Variants in HECTD4 observed in about 807,000 individuals in gnomAD.
HECTD4 encodes the protein HECT domain E3 ubiquitin protein ligase 4, also known as probable E3 ubiquitin-protein ligase HECTD4.
Under a neutral mutation model 471.5 loss-of-function variants are expected in HECTD4, and 114 were observed. That is an observed-to-expected ratio of 0.24 (90% confidence interval 0.21 to 0.28). The LOEUF is 0.28. Ranked by LOEUF, HECTD4 falls within the 10% of genes least tolerant of loss-of-function variation. The probability of loss-of-function intolerance (pLI) is 1.00; values close to 1 mark genes in which losing one functional copy is unlikely to be tolerated. For missense variants in HECTD4, 3,866 were observed against 5,651.5 expected (o/e 0.68, Z 10.13); for synonymous variants, 2,012 against 2,256.0 (o/e 0.89, Z 3.07).
intron 25 of HECTD4, among the ~76,000 whole-genome samples, chr12:112,249,011 A>C (rs1353313396): frequency 2.0e-5 from 3 of 152,236 alleles, no homozygotes; most frequent in African/African-American, 7.2e-5. Context: ...TCGGAGTCTT[A>C]CGTTGGCAAA....
Position 112,228,025 on chromosome 12 carries a change from G to A in HECTD4, c.6854+64C>T. On this transcript the variant is annotated intron_variant, in intron 43 of 75. Transcript: ENST00000682272. This position sits in a 1 kb window ranked among gnomAD's most constrained non-coding sequence, Gnocchi z 4.9. ...AGTTGGGAGTGGAGGGGCCCACCAAGGATCCCTTCTTCTGTCAGCTTGCAC... is the reference window on the plus strand; with the variant it reads ...AGTTGGGAGTGGAGGGGCCCACCAAAGATCCCTTCTTCTGTCAGCTTGCAC... 1 of 1,454,670 alleles carries A rather than the reference G, an allele frequency of 6.9e-7. No individual in the cohort carries two copies. Among genetic ancestry groups the A allele is most frequent in the Non-Finnish European group, 9.2e-7 (1 of 1,090,890 alleles). 90.1% of individuals were successfully genotyped at this position (1,454,670 alleles called of 1,614,324 possible). A position where few individuals can be genotyped will look rare whatever the true frequency, so the allele number is the denominator to read the frequency against.
chr12:112,333,286 T>C (rs761555081), intron 1 of HECTD4, among the ~76,000 whole-genome samples: 2 of 152,246 alleles, frequency 1.3e-5, no homozygotes, highest in Non-Finnish European at 2.9e-5. Context: ...ACTGTTTTCC[T>C]AGATGGCTGC....
rs1345357218 is a variant in HECTD4 at position 112,216,315 on chromosome 12, C to T, written c.7442G>A (p.Arg2481His). 6.4e-7 allele frequency: 1 copy of T among 1,554,884 alleles called. No individual in the cohort carries two copies. Among genetic ancestry groups the T allele is most frequent in the Non-Finnish European group, 8.7e-7 (1 of 1,148,522 alleles). ...GSSLLQWKSV[R>H]LDVTLSPGDV... ...ACCGGGGGAGAGAGTCACGTCTAAG[C>T]GAACGCTCTTCCACTGTAACAAACT... Residue 2481 changes from arginine (R) to histidine (H), a missense_variant, in exon 48 of 76, where the codon CGC becomes CAC. Around this residue, in one of 16 missense-constraint regions of HECTD4, gnomAD observed 617 missense variants for 915.1 expected, o/e 0.67. Coordinates refer to ENST00000682272, the MANE Select transcript of HECTD4 (RefSeq NM_001388303.1).
At chr12:112,231,167 A>G in intron 39 of HECTD4, 1 of 438,728 alleles carries the variant, frequency 2.3e-6, no homozygotes, top group Non-Finnish European at 4.1e-6. Context: ...TTCTGCTCCT[A>G]GAAAGAAGTT....
Position 112,176,665 on chromosome 12 carries a change from G to A in HECTD4, c.11401C>T (p.Pro3801Ser). Residue 3801 changes from proline (P) to serine (S), a missense_variant, in exon 65 of 76, where the codon CCA becomes TCA. Physicochemically the swap from Pro to Ser is moderately conservative, Grantham distance 74 (BLOSUM62 -1). Transcript: ENST00000682272. ...GGTTTGCTCTTTTCTGGTGATTTTGGCTTCACAGTTGGCTTCTTCTCACTT... is the reference window on the plus strand; with the variant it reads ...GGTTTGCTCTTTTCTGGTGATTTTGACTTCACAGTTGGCTTCTTCTCACTT... ...ALSEKKPTVK[P>S]KSPEKSKPDE... is the part of the protein sequence containing the mutation. The A allele has an allele frequency of 6.2e-7, 1 of 1,613,934 alleles. No individual in the cohort carries two copies. Among genetic ancestry groups the A allele is most frequent in the Non-Finnish European group, 8.5e-7 (1 of 1,179,874 alleles).
intron 1 of HECTD4, among the ~76,000 whole-genome samples, chr12:112,361,851 A>C (rs969072924): frequency 7.2e-5 from 11 of 152,176 alleles, no homozygotes; most frequent in African/African-American, 2.7e-4. Context: ...AACAACAAAA[A>C]ACTCTACAAT....
At chr12:112,261,479 C>A in intron 17 of HECTD4, 50 bp from the exon 18 acceptor site, 2 of 1,503,762 alleles carry the variant, frequency 1.3e-6, no homozygotes, top group South Asian at 1.2e-5. Context: ...GATGAACATA[C>A]GTTCACAATG....
Position 112,243,417 on chromosome 12 carries a change from C to T in HECTD4, c.4894G>A (p.Val1632Ile), listed in dbSNP as rs759425154. Residue 1632 changes from valine to isoleucine, a missense_variant, in exon 32 of 76, where the codon GTA (valine) becomes ATA (isoleucine). Val to Ile is a conservative substitution (Grantham distance 29). This residue lies in a region of HECTD4 where 229 missense variants were observed against 386.4 expected (regional missense o/e 0.59). Transcript: ENST00000682272. This position sits in a 1 kb window ranked among gnomAD's most constrained non-coding sequence, Gnocchi z 6.6. The part of the protein sequence containing the change: ...VHMRELLTAA[V>I]RVGGVTHLVG... ...AGATGCGTCACTCCCCCGACTCGTA[C>T]GGCAGCTGTCAGCAATTCCCGCATG... is the stretch of plus-strand genomic sequence containing the variant. The T allele has an allele frequency of 1.2e-5, 19 of 1,612,190 alleles. No homozygotes were observed. The highest frequency in any genetic ancestry group is 1.4e-5 in the Non-Finnish European group (17 of 1,179,204).
intron 29 of HECTD4, among the ~76,000 whole-genome samples, chr12:112,245,005 CTTAT>C (rs1387529463): frequency 1.3e-5 from 2 of 151,966 alleles, no homozygotes; most frequent in Non-Finnish European, 2.9e-5. Flanking sequence ...AAAATTTTCA[CTTAT>C]TTATTTATTT....
chr12:112,263,703 A>ATT (rs879675392), intron 17 of HECTD4, among the ~76,000 whole-genome samples: 1 of 143,280 alleles, frequency 7.0e-6, no homozygotes, highest in African/African-American at 2.6e-5. Context: ...TGCTCCCAAG[A>ATT]TTTTTATATA....
At chr12:112,293,662 A>G (rs976489131) in intron 7 of HECTD4, among the ~76,000 whole-genome samples, 1 of 152,190 alleles carries the variant, frequency 6.6e-6, no homozygotes, top group African/African-American at 2.4e-5. Flanking sequence ...GAAAAGGAAA[A>G]ACAACACAAA....
intron 37 of HECTD4, among the ~76,000 whole-genome samples, chr12:112,233,558 C>T (rs1191091348): frequency 6.6e-6 from 1 of 151,996 alleles, no homozygotes; most frequent in Non-Finnish European, 1.5e-5. Context: ...CAATTTAAGA[C>T]TCAATTTTTC....
In HECTD4 at chr12:112,217,075, G is replaced by A. The variant is rs776822118; in HGVS notation, c.7195C>T (p.Arg2399Trp). ...GAAGTGGCATAGATAAAAGTGCCCC[G>A]GGGCAGGCCTCCCCCAGCGCTGGGG... is the stretch of plus-strand genomic sequence containing the variant. ...ADPSAGGGLP[R>W]GTFIYATSPL... Residue 2399 changes from arginine to tryptophan, a missense_variant, in exon 46 of 76, where the codon CGG becomes TGG. Physicochemically the swap from Arg to Trp is moderately radical, Grantham distance 101. This residue lies in a region of HECTD4 where 617 missense variants were observed against 915.1 expected (regional missense o/e 0.67). Coordinates refer to ENST00000682272, the MANE Select transcript of HECTD4 (RefSeq NM_001388303.1). 6 of 1,584,988 alleles carry A rather than the reference G, an allele frequency of 3.8e-6. No homozygotes were observed. The highest frequency in any genetic ancestry group is 4.3e-6 in the Non-Finnish European group (5 of 1,165,148).
At chr12:112,208,403 C>A in intron 51 of HECTD4, 91 bp downstream of exon 51, 1 of 1,300,282 alleles carries the variant, frequency 7.7e-7, no homozygotes, top group Non-Finnish European at 1.0e-6. Flanking sequence ...TTTGCACTCT[C>A]ACATCAAAAT....
chr12:112,206,783 G>T (rs537245966), intron 52 of HECTD4, among the ~76,000 whole-genome samples: 9 of 152,232 alleles, frequency 5.9e-5, no homozygotes, highest in Non-Finnish European at 1.2e-4. Context: ...TGATCCGCCT[G>T]CCTTGGCTTC....
chr12:112,174,269 T>G (rs2031352615), intron 66 of HECTD4, among the ~76,000 whole-genome samples: 1 of 145,624 alleles, frequency 6.9e-6, no homozygotes, highest in Non-Finnish European at 1.5e-5. Context: ...TCGTCTGACT[T>G]TTTTTTTTTT....
chr12:112,375,905 C>T (rs1225089780), intron 1 of HECTD4, among the ~76,000 whole-genome samples: 1 of 147,144 alleles, frequency 6.8e-6, no homozygotes, highest in African/African-American at 2.5e-5. Context: ...CGCATCTCTA[C>T]TAAAAATACA....
At position 112,212,616 on chromosome 12, in the gene HECTD4, C is replaced by T; in HGVS notation, c.7500G>A (p.Glu2500=). 2 of 1,613,744 alleles carry T rather than the reference C, an allele frequency of 1.2e-6. No individual in the cohort carries two copies. Among genetic ancestry groups the T allele is most frequent in the Non-Finnish European group, 1.7e-6 (2 of 1,179,810 alleles). Residue 2500 remains glutamate (E), a synonymous_variant, in exon 49 of 76, where the codon GAG becomes GAA. Coordinates refer to ENST00000682272, the MANE Select transcript of HECTD4 (RefSeq NM_001388303.1). ...DVAGIGWERT[E]GTPPPPGQPA... Reference sequence around the variant, plus strand: ...GCTGTCCCGGAGGAGGTGGAGTCCCCTCAGTTCTCTCCCAGCCAATTCCTG... The same window carrying T: ...GCTGTCCCGGAGGAGGTGGAGTCCCTTCAGTTCTCTCCCAGCCAATTCCTG...
At position 112,163,364 on chromosome 12, in the gene HECTD4, G is replaced by C; in HGVS notation, c.12898-100C>G. ...CAGGCCAGGCCCAATCCTGGGGCAG[G>C]GTGCAACGTGTGGGCTGTGAGCACA... On this transcript the variant is annotated intron_variant, in intron 74 of 75. Transcript: ENST00000682272. The surrounding 1 kb of genome is among the most constrained non-coding windows in gnomAD (Gnocchi z 8.2). 1 of 1,186,390 alleles carries C rather than the reference G, an allele frequency of 8.4e-7. No homozygotes were observed. The highest frequency in any genetic ancestry group is 1.2e-6 in the Non-Finnish European group (1 of 843,976). 73.5% of individuals were successfully genotyped at this position (1,186,390 alleles called of 1,614,324 possible). A position where few individuals can be genotyped will look rare whatever the true frequency, so the allele number is the denominator to read the frequency against.
Sources: gnomAD v4.1 joint callset for allele counts (sites outside exome capture counted in the v4.1 genomes callset) on GRCh38, gnomAD v4.1.1 for gene constraint, gnomAD v4.1.1 regional missense constraint, Gnocchi (gnomAD v3.1) non-coding constraint, MANE v1.5 for transcripts, NCBI Gene and HGNC (gene_info 2026-07-23, HGNC 2026-07-21) for gene names.